BMAL2: variants seen among roughly 807,000 people sequenced by gnomAD.
BMAL2 encodes the protein basic helix-loop-helix ARNT like 2.
chr12:27,368,780 T>C, the BMAL2 span, among the ~76,000 whole-genome samples: 1 of 152,240 alleles, frequency 6.6e-6, no homozygotes. Flanking sequence ...TTACTCGTCA[T>C]GTATAGAATA....
chr12:27,375,444 A>G, the BMAL2 span, among the ~76,000 whole-genome samples: 1 of 152,360 alleles, frequency 6.6e-6, no homozygotes, highest in Admixed American at 6.5e-5. Flanking sequence ...AATGAATAAG[A>G]CAAGACATGA....
the BMAL2 span, chr12:27,332,918 A>C: frequency 2.8e-6 from 1 of 353,152 alleles, no homozygotes. Flanking sequence ...GTGCGCGCCT[A>C]CGGGCTGCGG....
chr12:27,406,619 A>G, the BMAL2 span, among the ~76,000 whole-genome samples: 1 of 152,230 alleles, frequency 6.6e-6, no homozygotes, highest in Admixed American at 6.5e-5. Context: ...AGGAACAACC[A>G]GTACCAGCCA....
the BMAL2 span, among the ~76,000 whole-genome samples, chr12:27,369,566 C>T: frequency 2.0e-5 from 3 of 152,152 alleles, no homozygotes; most frequent in Non-Finnish European, 4.4e-5. Context: ...AGCTGTTTTC[C>T]ATTCTAAATT....
At chr12:27,367,207 G>T in the BMAL2 span, among the ~76,000 whole-genome samples, 2 of 152,122 alleles carry the variant, frequency 1.3e-5, no homozygotes, top group Admixed American at 6.5e-5. Flanking sequence ...CAGCACTGTG[G>T]TACTGCAACA....
At chr12:27,401,117 G>A in the BMAL2 span, 3 of 688,788 alleles carry the variant, frequency 4.4e-6, no homozygotes, top group African/African-American at 1.8e-5. Flanking sequence ...GGGCAGCCGA[G>A]GGGAGCCCAG....
At chr12:27,347,447 G>T in the BMAL2 span, among the ~76,000 whole-genome samples, 1 of 152,104 alleles carries the variant, frequency 6.6e-6, no homozygotes, top group African/African-American at 2.4e-5. Context: ...GTTCCATGAA[G>T]GATTAGTCTC....
At chr12:27,364,413 G>A in the BMAL2 span, among the ~76,000 whole-genome samples, 5 of 151,970 alleles carry the variant, frequency 3.3e-5, no homozygotes, top group East Asian at 1.9e-4. Flanking sequence ...AATTGATCCC[G>A]GACCATTTAT....
chr12:27,402,737 C>A, the BMAL2 span: 1 of 1,447,588 alleles, frequency 6.9e-7, no homozygotes, highest in Non-Finnish European at 9.5e-7. Flanking sequence ...AAGACTATTA[C>A]TATCTTTTTC....
the BMAL2 span, chr12:27,333,000 G>GGGGCA: frequency 3.5e-6 from 4 of 1,130,404 alleles, no homozygotes; most frequent in Admixed American, 4.6e-5. Context: ...CGCCTGGGCC[G>GGGGCA]GGGCAGGGCG....
At chr12:27,405,691 C>A in the BMAL2 span, among the ~76,000 whole-genome samples, 5 of 152,184 alleles carry the variant, frequency 3.3e-5, no homozygotes, top group African/African-American at 1.2e-4. Context: ...ATCAGAGCGC[C>A]TTTCCTCCTT....
the BMAL2 span, among the ~76,000 whole-genome samples, chr12:27,364,487 T>C: frequency 6.6e-6 from 1 of 152,194 alleles, no homozygotes; most frequent in Non-Finnish European, 1.5e-5. Flanking sequence ...CAGATGTCCA[T>C]ATATACATGT....
the BMAL2 span, among the ~76,000 whole-genome samples, chr12:27,362,653 C>T: frequency 2.6e-5 from 4 of 151,792 alleles, no homozygotes; most frequent in Admixed American, 6.6e-5. Context: ...TATCTCTATA[C>T]AAAAAAAATT....
At chr12:27,390,039 A>G in the BMAL2 span, 1 of 1,585,070 alleles carries the variant, frequency 6.3e-7, no homozygotes, top group Non-Finnish European at 8.6e-7. Flanking sequence ...GATAAATTTC[A>G]AAATTATTTG....
At chr12:27,368,290 C>T in the BMAL2 span, 9 of 1,614,100 alleles carry the variant, frequency 5.6e-6, no homozygotes, top group African/African-American at 6.7e-5. Context: ...AGAACCAGTG[C>T]ATTGCTCCTG....
the BMAL2 span, among the ~76,000 whole-genome samples, chr12:27,336,745 G>T: frequency 6.6e-6 from 1 of 152,078 alleles, no homozygotes; most frequent in African/African-American, 2.4e-5. Context: ...GAGGTCAGGA[G>T]TTTGAAACCA....
the BMAL2 span, among the ~76,000 whole-genome samples, chr12:27,345,728 C>A: frequency 0.12 from 17,694 of 152,126 alleles, 1,317 homozygotes; most frequent in Non-Finnish European, 0.17. Flanking sequence ...GTCTCCAACT[C>A]CTGGGCTCAA....
chr12:27,385,476 T>C, the BMAL2 span: 1 of 1,596,822 alleles, frequency 6.3e-7, no homozygotes, highest in Non-Finnish European at 8.6e-7. Context: ...TGCCTTTCTT[T>C]TTAGGCTTGA....
At chr12:27,365,720 A>AT in the BMAL2 span, among the ~76,000 whole-genome samples, 1 of 135,268 alleles carries the variant, frequency 7.4e-6, no homozygotes, top group South Asian at 2.4e-4. Context: ...TATGACCCCA[A>AT]ATTTTTTTTT....
Sources: gnomAD v4.1 joint callset for allele counts (sites outside exome capture counted in the v4.1 genomes callset) on GRCh38, gnomAD v4.1.1 for gene constraint, MANE v1.5 for transcripts, NCBI Gene and HGNC (gene_info 2026-07-23, HGNC 2026-07-21) for gene names.